Variants in SCN2A observed in about 807,000 individuals in gnomAD.
SCN2A encodes sodium voltage-gated channel alpha subunit 2, also known as sodium channel protein type 2 subunit alpha.
Under a neutral mutation model 188.7 loss-of-function variants are expected in SCN2A, and 20 were observed. The ratio of observed to expected loss-of-function variants is 0.11; its 90% CI spans 0.07 to 0.15. The LOEUF (loss-of-function observed/expected upper bound fraction) is 0.15. Ranked by LOEUF, SCN2A falls within the 10% of genes least tolerant of loss-of-function variation. The probability of loss-of-function intolerance (pLI) is 1.00; values close to 1 mark genes in which losing one functional copy is unlikely to be tolerated. For missense variants in SCN2A, 1,278 were observed against 2,445.0 expected (o/e 0.52, Z 10.07); for synonymous variants, 804 against 833.1 (o/e 0.97, Z 0.60).
intron 1 of SCN2A, among the ~76,000 whole-genome samples, chr2:165,247,741 A>G (rs562098931): frequency 6.6e-6 from 1 of 152,306 alleles, no homozygotes; most frequent in Admixed American, 6.5e-5. Context: ...GTTAAATGCC[A>G]TATAAATCAT....
intron 1 of SCN2A, among the ~76,000 whole-genome samples, chr2:165,256,132 A>G (rs1468070116): frequency 3.3e-5 from 5 of 149,596 alleles, no homozygotes; most frequent in Admixed American, 6.8e-5. Context: ...TAGCCTCCTG[A>G]GTAGCTGGGA....
At chr2:165,326,688 T>G (rs955596120) in intron 12 of SCN2A, among the ~76,000 whole-genome samples, 164 bp from the exon 13 acceptor site, 1 of 152,166 alleles carries the variant, frequency 6.6e-6, no homozygotes, top group African/African-American at 2.4e-5. Flanking sequence ...TGACAGACTT[T>G]TAAACAACCC....
intron 13 of SCN2A, among the ~76,000 whole-genome samples, chr2:165,330,347 G>T (rs1698611539): frequency 6.6e-6 from 1 of 152,166 alleles, no homozygotes; most frequent in Admixed American, 6.5e-5. Flanking sequence ...TTGATGAAGA[G>T]ATTATCTTGC....
chr2:165,299,563 C>CT (rs1198666893), intron 3 of SCN2A, among the ~76,000 whole-genome samples: 20 of 152,156 alleles, frequency 1.3e-4, no homozygotes, highest in African/African-American at 4.8e-4. Context: ...GGCAGTGAGG[C>CT]TAATAGTCTA....
intron 11 of SCN2A, among the ~76,000 whole-genome samples, chr2:165,321,421 G>A (rs1294296318): frequency 6.6e-6 from 1 of 152,028 alleles, no homozygotes; most frequent in Non-Finnish European, 1.5e-5. Context: ...ACATTTTTGG[G>A]TATCTTTTCA....
intron 25 of SCN2A, among the ~76,000 whole-genome samples, chr2:165,384,374 A>G (rs1701754695): frequency 6.6e-6 from 1 of 152,116 alleles, no homozygotes; most frequent in Admixed American, 6.6e-5. Context: ...TTTGGTGAAT[A>G]AGATCTTCAG....
At position 165,306,404 on chromosome 2, in the gene SCN2A, C is replaced by G. The variant is rs144111711; in HGVS notation, c.387-1444C>G. ...CAGCAGACCAACAAGCACAGGGGAC[C>G]CTCTAGTTTTATATACCAATAGCAA... On this transcript the variant is annotated intron_variant, in intron 3 of 26. Transcript: ENST00000375437. Among the ~76,000 whole-genome samples the G allele has an allele frequency of 2.0e-3, 307 of 151,832 alleles. 2 individuals carry two copies. Among genetic ancestry groups the G allele is most frequent in the East Asian group, 0.016 (83 of 5,168 alleles).
chr2:165,287,249 A>G (rs918004302), intron 1 of SCN2A, among the ~76,000 whole-genome samples: 3 of 152,114 alleles, frequency 2.0e-5, no homozygotes, highest in South Asian at 2.1e-4. Flanking sequence ...CGGCGTTTGC[A>G]TCTCTCTTCC....
At chr2:165,252,385 G>A (rs981779756) in intron 1 of SCN2A, among the ~76,000 whole-genome samples, 1 of 151,962 alleles carries the variant, frequency 6.6e-6, no homozygotes, top group Non-Finnish European at 1.5e-5. Flanking sequence ...CTCATGTTCA[G>A]TTATCAAGTA....
chr2:165,264,246 T>G (rs559206149), intron 1 of SCN2A, among the ~76,000 whole-genome samples: 14 of 152,222 alleles, frequency 9.2e-5, no homozygotes, highest in Admixed American at 8.5e-4. Context: ...ATCAAAAAGA[T>G]AATCCACTAT....
rs375008451 is a variant in SCN2A at position 165,321,487 on chromosome 2, A to G, written c.1672-1669A>G. ...GTATTAATCTGTTTTCATGCTGCTG[A>G]TAAAGACATACCTGAGACTGGGCAA... On this transcript the variant is annotated intron_variant, in intron 11 of 26. Transcript: ENST00000375437. Among the ~76,000 whole-genome samples the G allele has an allele frequency of 5.3e-4, 80 of 152,308 alleles. 1 individual carries two copies. The South Asian group carries it at 0.011, about 21-fold the overall frequency.
intron 2 of SCN2A, chr2:165,296,685 C>CAA (rs67944134): frequency 1.4e-3 from 242 of 168,624 alleles, no homozygotes; most frequent in East Asian, 3.2e-3. Flanking sequence ...ATTTTCTAAC[C>CAA]AAAAAAAAAA....
chr2:165,325,043 C>T (rs1421854357), intron 12 of SCN2A, among the ~76,000 whole-genome samples: 1 of 152,162 alleles, frequency 6.6e-6, no homozygotes, highest in African/African-American at 2.4e-5. Flanking sequence ...GTCTGGGAAT[C>T]TTCTTCCTTA....
chr2:165,361,118 C>G (rs1700439084), intron 17 of SCN2A, among the ~76,000 whole-genome samples: 1 of 151,712 alleles, frequency 6.6e-6, no homozygotes, highest in Non-Finnish European at 1.5e-5. Context: ...TGACATTTGC[C>G]TAGAATGTAA....
At chr2:165,262,565 C>A (rs1179598970) in intron 1 of SCN2A, among the ~76,000 whole-genome samples, 2 of 151,804 alleles carry the variant, frequency 1.3e-5, no homozygotes, top group Non-Finnish European at 2.9e-5. Context: ...CTTTTTAAGA[C>A]AAAGCAGTAT....
intron 1 of SCN2A, among the ~76,000 whole-genome samples, chr2:165,251,907 G>A (rs1475842731): frequency 1.3e-5 from 2 of 151,794 alleles, no homozygotes; most frequent in Admixed American, 1.3e-4. Flanking sequence ...TCCTCACAAC[G>A]ATCATGTGAA....
chr2:165,308,843 G>A (rs1311211668), intron 5 of SCN2A, 49 bp downstream of exon 5: 7 of 1,608,120 alleles, frequency 4.4e-6, no homozygotes, highest in Non-Finnish European at 6.0e-6. Context: ...ATCACTGGTG[G>A]GAGCCTATAC....
Position 165,367,202 on chromosome 2 carries a change from T to C in SCN2A, c.3521-15T>C, listed in dbSNP as rs886055000. The C allele has an allele frequency of 1.7e-5, 28 of 1,613,870 alleles. No homozygotes were observed. Among genetic ancestry groups the C allele is most frequent in the Non-Finnish European group, 2.4e-5 (28 of 1,179,942 alleles). ...GAGTAATTTTTTGTCTTCATTTTTTTCCCACATATTTTAGACTGTGTACGG... is the reference window on the plus strand; with the variant it reads ...GAGTAATTTTTTGTCTTCATTTTTTCCCCACATATTTTAGACTGTGTACGG... On this transcript the variant is annotated splice_polypyrimidine_tract_variant and intron_variant, in intron 18 of 26. Transcript: ENST00000375437.
intron 23 of SCN2A, among the ~76,000 whole-genome samples, chr2:165,378,506 C>T (rs1328555380): frequency 6.6e-6 from 1 of 151,522 alleles, no homozygotes; most frequent in Non-Finnish European, 1.5e-5. Flanking sequence ...TCACATTATC[C>T]CATTTAATCC....
Sources: gnomAD v4.1 joint callset for allele counts (sites outside exome capture counted in the v4.1 genomes callset) on GRCh38, gnomAD v4.1.1 for gene constraint, MANE v1.5 for transcripts, NCBI Gene and HGNC (gene_info 2026-07-23, HGNC 2026-07-21) for gene names.